Variants in MTHFD1 observed in about 807,000 individuals in gnomAD.
MTHFD1 encodes the protein C-1-tetrahydrofolate synthase, cytoplasmic.
In MTHFD1, 44 loss-of-function variants were observed where a neutral mutation model predicts 110.3. The ratio of observed to expected loss-of-function variants is 0.40; its 90% CI spans 0.31 to 0.51. MTHFD1 has a LOEUF of 0.51. Among genes scored for constraint, MTHFD1 ranks in the 20% least tolerant of loss-of-function variants. The pLI is 0.60. For missense variants in MTHFD1, 909 were observed against 1,173.1 expected (o/e 0.77, Z 3.29); for synonymous variants, 402 against 428.8 (o/e 0.94, Z 0.77).
At chr14:64,405,781 TG>T (rs1015795607) in intron 2 of MTHFD1, among the ~76,000 whole-genome samples, 24 of 152,094 alleles carry the variant, frequency 1.6e-4, no homozygotes, top group African/African-American at 5.6e-4. Context: ...CTTGTTAAAA[TG>T]CAAGTCTGAT....
chr14:64,444,067 G>A (rs2078269624), intron 21 of MTHFD1, among the ~76,000 whole-genome samples: 1 of 151,740 alleles, frequency 6.6e-6, no homozygotes, highest in South Asian at 2.1e-4. Flanking sequence ...GCTCATTTCT[G>A]TGGATGCAGC....
At chr14:64,392,759 TA>T (rs1437719604) in intron 1 of MTHFD1, among the ~76,000 whole-genome samples, 2 of 152,242 alleles carry the variant, frequency 1.3e-5, no homozygotes, top group Admixed American at 6.5e-5. Context: ...ATGAGTTTAA[TA>T]CCTATAAAGC....
At chr14:64,436,981 T>C (rs929744360) in intron 16 of MTHFD1, among the ~76,000 whole-genome samples, 2 of 152,120 alleles carry the variant, frequency 1.3e-5, no homozygotes, top group Non-Finnish European at 2.9e-5. Flanking sequence ...AACAACACAT[T>C]ACAGCAAGAG....
intron 1 of MTHFD1, among the ~76,000 whole-genome samples, chr14:64,397,104 CAAAAAAAAAAAAAA>C (rs1189095379): frequency 2.7e-3 from 19 of 7,118 alleles, no homozygotes; most frequent in African/African-American, 3.1e-3. Flanking sequence ...GACTGCGTCT[CAAAAAAAAAAAAAA>C]AAAAAAAAAA....
Position 64,447,782 on chromosome 14 carries a change from C to G in MTHFD1, c.2179-435C>G, listed in dbSNP as rs558882644. Among the ~76,000 whole-genome samples, 4 of 152,234 alleles carry G rather than the reference C, an allele frequency of 2.6e-5. No individual in the cohort carries two copies. The East Asian group carries it at 7.7e-4, about 29-fold the overall frequency. On this transcript the variant is annotated intron_variant, in intron 22 of 27. Transcript: ENST00000652337. ...CAGCCACTATGTTGTTAGGCTCTGTCTTCTGATGGAAGGGTCTGTGCTGTG... is the reference window on the plus strand; with the variant it reads ...CAGCCACTATGTTGTTAGGCTCTGTGTTCTGATGGAAGGGTCTGTGCTGTG...
chr14:64,449,141 G>A (rs1230549653), intron 23 of MTHFD1: 1 of 427,888 alleles, frequency 2.3e-6, no homozygotes, highest in African/African-American at 2.0e-5. Context: ...TCCTTCTGGA[G>A]TGCTGGGAAT....
Position 64,442,170 on chromosome 14 carries a change from G to A in MTHFD1, c.1996+5G>A. On this transcript the variant is annotated splice_donor_5th_base_variant and intron_variant, in intron 20 of 27. Coordinates refer to ENST00000652337, the MANE Select transcript of MTHFD1 (RefSeq NM_005956.4). Reference sequence around the variant, plus strand: ...TTGGCCCAGAAGGGTTTGTAGGTTAGTGTTTTTTGCAAAACCAGTGAATAG... The same window carrying A: ...TTGGCCCAGAAGGGTTTGTAGGTTAATGTTTTTTGCAAAACCAGTGAATAG... 6.2e-7 allele frequency: 1 copy of A among 1,614,016 alleles called. No homozygotes were observed. The highest frequency in any genetic ancestry group is 8.5e-7 in the Non-Finnish European group (1 of 1,179,846).
chr14:64,402,136 A>G (rs1415946594), intron 2 of MTHFD1, among the ~76,000 whole-genome samples: 2 of 152,228 alleles, frequency 1.3e-5, no homozygotes, highest in African/African-American at 4.8e-5. Flanking sequence ...GAACTTTGAT[A>G]CTTTGTTACA....
chr14:64,389,313 C>T (rs573900663), intron 1 of MTHFD1, among the ~76,000 whole-genome samples: 6 of 152,252 alleles, frequency 3.9e-5, no homozygotes, highest in South Asian at 2.1e-4. Flanking sequence ...TCACATCACC[C>T]GTTATGTAAG....
At chr14:64,431,908 A>G in intron 15 of MTHFD1, 47 bp downstream of exon 15, 3 of 1,521,244 alleles carry the variant, frequency 2.0e-6, no homozygotes, top group Non-Finnish European at 2.7e-6. Flanking sequence ...GGAATCTGGA[A>G]TCTGATCATT....
Position 64,437,880 on chromosome 14 carries a change from G to GT in MTHFD1, c.1598-1206dup, listed in dbSNP as rs888176211. ...GCTCATCAAATCATGTTGTTCAAGA[G>GT]TTTTTTTTTTGAGACGGAGTTTTGT... On this transcript the variant is annotated intron_variant, in intron 16 of 27. Transcript: ENST00000652337. 1.5e-3 allele frequency among the ~76,000 whole-genome samples: 231 copies of GT among 149,962 alleles called. 1 individual carries two copies. The highest frequency in any genetic ancestry group is 2.5e-3 in the African/African-American group (103 of 40,940).
rs2078036687 is a variant in MTHFD1 at position 64,417,871 on chromosome 14, G to T, written c.479-17G>T. Reference sequence around the variant, plus strand: ...CTTCTATCCTCCAACTCTGATGCAGGCTGGCTTTTCTTTCAGGGGTGCCGA... The same window carrying T: ...CTTCTATCCTCCAACTCTGATGCAGTCTGGCTTTTCTTTCAGGGGTGCCGA... On this transcript the variant is annotated splice_polypyrimidine_tract_variant and intron_variant, in intron 6 of 27. Coordinates refer to ENST00000652337, the MANE Select transcript of MTHFD1 (RefSeq NM_005956.4). The surrounding 1 kb of genome is among the most constrained non-coding windows in gnomAD (Gnocchi z 4.4). 6.2e-7 allele frequency: 1 copy of T among 1,612,192 alleles called. No individual in the cohort carries two copies. The highest frequency in any genetic ancestry group is 8.5e-7 in the Non-Finnish European group (1 of 1,179,890).
chr14:64,414,832 G>C (rs1474738674), intron 4 of MTHFD1, among the ~76,000 whole-genome samples: 1 of 151,960 alleles, frequency 6.6e-6, no homozygotes, highest in Non-Finnish European at 1.5e-5. Context: ...TAGGATTACA[G>C]GCATGTGCCA....
chr14:64,450,896 A>C (rs1466851484), intron 24 of MTHFD1, among the ~76,000 whole-genome samples: 1 of 152,094 alleles, frequency 6.6e-6, no homozygotes, highest in Non-Finnish European at 1.5e-5. Flanking sequence ...GGCCAGGCAC[A>C]GTGGCTCACC....
intron 12 of MTHFD1, among the ~76,000 whole-genome samples, chr14:64,428,102 G>GTTTTTTTT (rs11289659): frequency 5.4e-5 from 4 of 74,724 alleles, no homozygotes; most frequent in South Asian, 5.9e-4. Flanking sequence ...AAGAACATGT[G>GTTTTTTTT]TTTTTTTTTT....
At chr14:64,438,713 G>A (rs2078225103) in intron 16 of MTHFD1, among the ~76,000 whole-genome samples, 2 of 152,236 alleles carry the variant, frequency 1.3e-5, no homozygotes, top group East Asian at 1.9e-4. Flanking sequence ...CATTTCTTAC[G>A]GTGGTGGAAA....
At chr14:64,418,691 G>A (rs1596540669) in intron 7 of MTHFD1, among the ~76,000 whole-genome samples, 1 of 152,092 alleles carries the variant, frequency 6.6e-6, no homozygotes, top group East Asian at 1.9e-4. Flanking sequence ...TGAGTAGCTG[G>A]GATTACAGGC....
chr14:64,401,231 T>C (rs2077893994), intron 2 of MTHFD1, among the ~76,000 whole-genome samples: 1 of 152,152 alleles, frequency 6.6e-6, no homozygotes, highest in Admixed American at 6.6e-5. Flanking sequence ...AGTGCAATCA[T>C]AGCTCACTGT....
intron 19 of MTHFD1, 51 bp from the exon 20 acceptor site, chr14:64,442,003 C>A: frequency 8.3e-7 from 1 of 1,198,692 alleles, no homozygotes; most frequent in Non-Finnish European, 1.2e-6. Flanking sequence ...TGTGTGATCC[C>A]ACTTTGAAGC....
Sources: allele counts gnomAD v4.1 joint callset (sites outside exome capture counted in the v4.1 genomes callset), GRCh38; gene constraint gnomAD v4.1.1; non-coding constraint Gnocchi (gnomAD v3.1); transcripts MANE v1.5; gene names NCBI Gene and HGNC (gene_info 2026-07-23, HGNC 2026-07-21).